ANKS1A: variants seen among roughly 807,000 people sequenced by gnomAD.
The protein encoded by ANKS1A is ankyrin repeat and sterile alpha motif domain containing 1A, also known as ankyrin repeat and SAM domain-containing protein 1A.
In ANKS1A, 55 loss-of-function variants were observed where a neutral mutation model predicts 120.3. The ratio of observed to expected loss-of-function variants is 0.46; its 90% confidence interval spans 0.37 to 0.57. The LOEUF (loss-of-function observed/expected upper bound fraction) is 0.57. Among genes scored for constraint, ANKS1A ranks in the 20% least tolerant of loss-of-function variants. ANKS1A has a pLI of 0.00. For synonymous variants in ANKS1A, 590 were observed against 604.7 expected (o/e 0.98, Z 0.36); for missense variants, 1,123 against 1,480.3 (o/e 0.76, Z 3.96).
At position 34,889,447 on chromosome 6, in the gene ANKS1A, C is replaced by A. The variant is rs1487661117; in HGVS notation, c.45C>A (p.His15Gln). Residue 15 changes from histidine (H) to glutamine (Q), a missense_variant, in exon 1 of 24, where the codon CAC (histidine) becomes CAA (glutamine). This residue lies in a region of ANKS1A where 73 missense variants were observed against 82.2 expected (regional missense o/e 0.89). Coordinates refer to ENST00000360359, the MANE Select transcript of ANKS1A (RefSeq NM_015245.3). The surrounding 1 kb of genome is among the most constrained non-coding windows in gnomAD (Gnocchi z 5.5). Reference protein sequence around the residue: ...QELLEAARTGHLPAVEKLLSG... With the variant: ...QELLEAARTGQLPAVEKLLSG... The stretch of plus-strand genomic sequence containing the variant: ...TGCTGGAGGCGGCCCGCACCGGGCA[C>A]CTCCCGGCGGTGGAGAAGCTGCTGT... 7 of 1,286,820 alleles carry A rather than the reference C, an allele frequency of 5.4e-6. No homozygotes were observed. The highest frequency in any genetic ancestry group is 6.9e-6 in the Non-Finnish European group (7 of 1,021,188). The allele number at this position is 1,286,820 out of a possible 1,614,324, so 79.7% of individuals were successfully genotyped here. A position where few individuals can be genotyped will look rare whatever the true frequency, so the allele number is the denominator to read the frequency against.
chr6:34,979,922 A>C (rs1485306493), intron 3 of ANKS1A, among the ~76,000 whole-genome samples: 4 of 152,232 alleles, frequency 2.6e-5, no homozygotes, highest in Non-Finnish European at 5.9e-5. Flanking sequence ...GTGTTGGTTC[A>C]TCAGGAGAAA....
rs1301680763 is a variant in ANKS1A, at chr6:35,090,206, C to T, written c.*1597C>T. Reference sequence around the variant, plus strand: ...AAGATCTCGACACCTTGCAGTTTTACTTCATTTCCTGCCCCTTTCAGGGCC... The same window carrying T: ...AAGATCTCGACACCTTGCAGTTTTATTTCATTTCCTGCCCCTTTCAGGGCC... On this transcript the variant is annotated 3_prime_UTR_variant, in exon 24 of 24. Transcript: ENST00000360359. 13 of 1,289,554 alleles carry T rather than the reference C, an allele frequency of 1.0e-5. No homozygotes were observed. The highest frequency in any genetic ancestry group is 4.6e-5 in the Admixed American group (2 of 43,576). The allele number at this position is 1,289,554 out of a possible 1,614,324, so 79.9% of individuals were successfully genotyped here.
At chr6:34,980,463 C>G (rs528249883) in intron 3 of ANKS1A, among the ~76,000 whole-genome samples, 4 of 152,330 alleles carry the variant, frequency 2.6e-5, no homozygotes, top group African/African-American at 7.2e-5. Context: ...AATGCCAGAT[C>G]AAAAGCAGAT....
intron 3 of ANKS1A, among the ~76,000 whole-genome samples, chr6:34,975,534 A>G (rs1771527130): frequency 6.6e-6 from 1 of 151,742 alleles, no homozygotes; most frequent in Non-Finnish European, 1.5e-5. Context: ...CTGGGGCTGA[A>G]GATTGCTTGA....
chr6:34,950,477 C>T (rs1263360047), intron 1 of ANKS1A, among the ~76,000 whole-genome samples: 1 of 152,048 alleles, frequency 6.6e-6, no homozygotes, highest in Admixed American at 6.6e-5. Context: ...GATCTGCCCA[C>T]CTCAGTCTCC....
At chr6:34,908,013 A>G (rs974632387) in intron 1 of ANKS1A, among the ~76,000 whole-genome samples, 1 of 152,152 alleles carries the variant, frequency 6.6e-6, no homozygotes, top group Non-Finnish European at 1.5e-5. Flanking sequence ...GCAACACAGC[A>G]AGACCCTATT....
chr6:35,032,921 T>A (rs1774981095), intron 11 of ANKS1A, among the ~76,000 whole-genome samples: 1 of 152,228 alleles, frequency 6.6e-6, no homozygotes, highest in Non-Finnish European at 1.5e-5. Flanking sequence ...TCACCCATTT[T>A]TTAAAGGTAA....
chr6:35,001,537 AC>A (rs1195413275), intron 10 of ANKS1A, among the ~76,000 whole-genome samples: 1 of 152,120 alleles, frequency 6.6e-6, no homozygotes, highest in Non-Finnish European at 1.5e-5. Flanking sequence ...AAAGTCCAGC[AC>A]CCTGCGGGGC....
chr6:35,065,212 C>G (rs1337963145), intron 13 of ANKS1A, among the ~76,000 whole-genome samples: 3 of 136,296 alleles, frequency 2.2e-5, no homozygotes, highest in African/African-American at 5.2e-5. Flanking sequence ...CTCTTGCCCC[C>G]CCTCCCTTTC....
At chr6:34,946,223 C>T (rs1431685272) in intron 1 of ANKS1A, among the ~76,000 whole-genome samples, 2 of 151,812 alleles carry the variant, frequency 1.3e-5, no homozygotes, top group Non-Finnish European at 2.9e-5. Flanking sequence ...TCAGATTATC[C>T]ACCTGCCTTG....
At chr6:35,049,040 T>G (rs1335301602) in intron 11 of ANKS1A, among the ~76,000 whole-genome samples, 2 of 152,316 alleles carry the variant, frequency 1.3e-5, no homozygotes, top group East Asian at 3.9e-4. Flanking sequence ...GAGGAGAGCT[T>G]CAGTTTCCTC....
At chr6:34,991,543 C>T (rs1219646681) in intron 9 of ANKS1A, among the ~76,000 whole-genome samples, 13 of 8,502 alleles carry the variant, frequency 1.5e-3, no homozygotes, top group South Asian at 6.1e-3. Context: ...AAAATATATA[C>T]ACACACACAC....
At chr6:35,012,316 T>A (rs918064852) in intron 10 of ANKS1A, among the ~76,000 whole-genome samples, 8 of 152,224 alleles carry the variant, frequency 5.3e-5, no homozygotes, top group African/African-American at 1.9e-4. Flanking sequence ...ATTTGTCTTA[T>A]CAAATTGCAG....
chr6:34,990,918 C>A (rs1440001294), intron 9 of ANKS1A, among the ~76,000 whole-genome samples: 1 of 152,138 alleles, frequency 6.6e-6, no homozygotes, highest in Admixed American at 6.5e-5. Context: ...GGTGATACGG[C>A]CTGCATATGA....
intron 17 of ANKS1A, among the ~76,000 whole-genome samples, 198 bp downstream of exon 17, chr6:35,081,356 G>T (rs555165748): frequency 6.6e-6 from 1 of 152,158 alleles, no homozygotes; most frequent in African/African-American, 2.4e-5. Context: ...TGCCGAGCTC[G>T]GGCCGCACAA....
chr6:34,988,413 G>A (rs959466230), intron 8 of ANKS1A, among the ~76,000 whole-genome samples: 7 of 152,192 alleles, frequency 4.6e-5, no homozygotes, highest in Non-Finnish European at 8.8e-5. Context: ...TGGGTAACAT[G>A]GTGAAACCCT....
chr6:35,056,188 G>A (rs950450996), intron 12 of ANKS1A, among the ~76,000 whole-genome samples: 1 of 152,248 alleles, frequency 6.6e-6, no homozygotes. Flanking sequence ...AGCACCTCGG[G>A]AAGAGCCCTC....
chr6:34,968,282 T>C (rs978649381), intron 2 of ANKS1A, among the ~76,000 whole-genome samples: 20 of 152,258 alleles, frequency 1.3e-4, no homozygotes, highest in African/African-American at 3.4e-4. Flanking sequence ...GGCACTGCCT[T>C]TCAGGTTGCC....
chr6:34,901,002 A>T (rs1311795191), intron 1 of ANKS1A, among the ~76,000 whole-genome samples: 1 of 152,166 alleles, frequency 6.6e-6, no homozygotes, highest in Non-Finnish European at 1.5e-5. Flanking sequence ...TTCTCATCTC[A>T]TGTAGGTGCA....
Sources: gnomAD v4.1 joint callset for allele counts (sites outside exome capture counted in the v4.1 genomes callset) on GRCh38, gnomAD v4.1.1 for gene constraint, gnomAD v4.1.1 regional missense constraint, Gnocchi (gnomAD v3.1) non-coding constraint, MANE v1.5 for transcripts, NCBI Gene and HGNC (gene_info 2026-07-23, HGNC 2026-07-21) for gene names.